The following GALNT17 variants were observed in gnomAD, a reference collection of about 807,000 sequenced individuals.
The protein encoded by GALNT17 is polypeptide N-acetylgalactosaminyltransferase 17, also known as UDP-GalNAc:polypeptide N-acetylgalactosaminyltransferase-like 3.
Under a neutral mutation model 63.7 loss-of-function variants are expected in GALNT17, and 29 were observed. The observed-to-expected ratio is 0.46, with a 90% CI of 0.34 to 0.62. The LOEUF (loss-of-function observed/expected upper bound fraction) is 0.62, where lower values mean the gene tolerates loss of function less well. Among genes scored for constraint, GALNT17 ranks in the 20% least tolerant of loss-of-function variants. The probability of loss-of-function intolerance (pLI) is 0.01; values close to 1 mark genes in which losing one functional copy is unlikely to be tolerated. For missense variants in GALNT17, 603 were observed against 799.6 expected, an observed-to-expected ratio of 0.75 and a Z score of 2.97; for synonymous variants, 305 against 318.3, an observed-to-expected ratio of 0.96 and a Z score of 0.45.
chr7:71,500,917 C>T (rs938464293), intron 5 of GALNT17, among the ~76,000 whole-genome samples: 3 of 152,112 alleles, frequency 2.0e-5, no homozygotes, highest in South Asian at 4.1e-4. Flanking sequence ...TTCCAGGGCT[C>T]ATCATTTCAA....
At chr7:71,571,739 C>T (rs752272243) in intron 6 of GALNT17, among the ~76,000 whole-genome samples, 1 of 152,186 alleles carries the variant, frequency 6.6e-6, no homozygotes, top group Non-Finnish European at 1.5e-5. Flanking sequence ...TCAGGCCAGG[C>T]ACAGTGGCTT....
intron 1 of GALNT17, among the ~76,000 whole-genome samples, chr7:71,287,610 A>C (rs1396388345): frequency 6.6e-6 from 1 of 152,204 alleles, no homozygotes; most frequent in African/African-American, 2.4e-5. Flanking sequence ...TGACTCCTCC[A>C]AAAGGTAACT....
At chr7:71,445,619 GA>G (rs1465899371) in intron 5 of GALNT17, among the ~76,000 whole-genome samples, 3 of 152,204 alleles carry the variant, frequency 2.0e-5, no homozygotes, top group African/African-American at 7.2e-5. Context: ...GGCTTGGGAA[GA>G]AACAGGCTGC....
intron 1 of GALNT17, among the ~76,000 whole-genome samples, chr7:71,252,331 C>G (rs1039009721): frequency 5.3e-5 from 8 of 151,850 alleles, no homozygotes; most frequent in African/African-American, 1.9e-4. Context: ...TTGAGACCAG[C>G]CTGGCCAACA....
intron 1 of GALNT17, among the ~76,000 whole-genome samples, chr7:71,286,782 T>TTTTG (rs139670524): frequency 0.17 from 25,884 of 150,118 alleles, 2,279 homozygotes; most frequent in Middle Eastern, 0.29. Context: ...TTTGTTATGT[T>TTTTG]TTTGTTTGTT....
At chr7:71,411,617 G>A (rs1175765268) in intron 3 of GALNT17, among the ~76,000 whole-genome samples, 2 of 152,150 alleles carry the variant, frequency 1.3e-5, no homozygotes, top group East Asian at 3.9e-4. Context: ...TCTCAGATGT[G>A]TTCCACCAGA....
chr7:71,557,937 C>T (rs901115911), intron 5 of GALNT17, among the ~76,000 whole-genome samples: 1 of 150,826 alleles, frequency 6.6e-6, no homozygotes, highest in African/African-American at 2.4e-5. Flanking sequence ...AGCCGAGCAT[C>T]GTGGTGGGTG....
intron 1 of GALNT17, among the ~76,000 whole-genome samples, chr7:71,294,048 G>A (rs1336710837): frequency 6.6e-6 from 1 of 152,012 alleles, no homozygotes; most frequent in Admixed American, 6.5e-5. Flanking sequence ...TGTAGTCCCA[G>A]CTACTTGGGA....
intron 2 of GALNT17, among the ~76,000 whole-genome samples, chr7:71,350,977 C>A (rs1250595810): frequency 2.0e-5 from 3 of 151,708 alleles, no homozygotes; most frequent in Non-Finnish European, 4.4e-5. Flanking sequence ...CTCATCTCTA[C>A]TAAAAATACA....
At chr7:71,629,028 C>T in intron 6 of GALNT17, among the ~76,000 whole-genome samples, 1 of 152,174 alleles carries the variant, frequency 6.6e-6, no homozygotes, top group Non-Finnish European at 1.5e-5. Context: ...GGCCACGCCC[C>T]TATCTGGGGG....
chr7:71,618,387 G>A (rs1278647276), intron 6 of GALNT17, among the ~76,000 whole-genome samples: 1 of 152,186 alleles, frequency 6.6e-6, no homozygotes, highest in Non-Finnish European at 1.5e-5. Context: ...GAGAAATCTT[G>A]AAGCTGCTCT....
intron 1 of GALNT17, among the ~76,000 whole-genome samples, chr7:71,136,216 G>C (rs1174143951): frequency 6.6e-6 from 1 of 152,136 alleles, no homozygotes; most frequent in East Asian, 1.9e-4. Context: ...AGTGCCTGGG[G>C]AGACACGTGC....
chr7:71,477,681 C>T (rs562943094), intron 5 of GALNT17, among the ~76,000 whole-genome samples: 100 of 152,058 alleles, frequency 6.6e-4, no homozygotes, highest in African/African-American at 2.4e-3. Context: ...AGGCCAAGAT[C>T]CTGTATCTAA....
chr7:71,213,795 A>G (rs557381974), intron 1 of GALNT17, among the ~76,000 whole-genome samples: 68 of 152,312 alleles, frequency 4.5e-4, no homozygotes, highest in African/African-American at 1.5e-3. Flanking sequence ...TTCCAATTAT[A>G]ACTGCAAAAT....
At chr7:71,333,136 C>T (rs760035650) in intron 1 of GALNT17, among the ~76,000 whole-genome samples, 7 of 152,206 alleles carry the variant, frequency 4.6e-5, no homozygotes, top group Non-Finnish European at 4.4e-5. Flanking sequence ...TACATATTAA[C>T]AGTCACTGTC....
In GALNT17 at chr7:71,596,196, T is replaced by G. The variant is rs545170758; in HGVS notation, c.1080+24794T>G. Among the ~76,000 whole-genome samples, 16 of 151,988 alleles carry G rather than the reference T, an allele frequency of 1.1e-4. No individual in the cohort carries two copies. In the South Asian group the frequency reaches 3.1e-3, roughly 30 times the overall value. ...TGGGATTACAGGTGCCCACCACCAC[T>G]CCCAGCTAATTTTTTGCATTTTTAG... On this transcript the variant is annotated intron_variant, in intron 6 of 10. Coordinates refer to ENST00000333538, the MANE Select transcript of GALNT17 (RefSeq NM_022479.3).
intron 6 of GALNT17, among the ~76,000 whole-genome samples, chr7:71,585,790 C>T (rs1386930536): frequency 6.6e-6 from 1 of 152,082 alleles, no homozygotes; most frequent in Non-Finnish European, 1.5e-5. Flanking sequence ...AATATATACC[C>T]CTATAATCAC....
intron 1 of GALNT17, among the ~76,000 whole-genome samples, chr7:71,141,068 G>A (rs1787880839): frequency 6.8e-6 from 1 of 147,630 alleles, no homozygotes; most frequent in Non-Finnish European, 1.5e-5. Context: ...GACACTCAGG[G>A]CCAGGCATGG....
At chr7:71,514,484 T>G (rs1321716540) in intron 5 of GALNT17, among the ~76,000 whole-genome samples, 1 of 152,122 alleles carries the variant, frequency 6.6e-6, no homozygotes, top group Non-Finnish European at 1.5e-5. Context: ...TGAGTCCTGA[T>G]GGATCTACTA....
Sources: allele counts gnomAD v4.1 joint callset (sites outside exome capture counted in the v4.1 genomes callset), GRCh38; gene constraint gnomAD v4.1.1; transcripts MANE v1.5; gene names NCBI Gene and HGNC (gene_info 2026-07-23, HGNC 2026-07-21).